UFSP2: variants seen among roughly 807,000 people sequenced by gnomAD.
UFSP2 encodes the protein ufm1-specific protease 2.
A neutral mutation model predicts 60.2 loss-of-function variants in UFSP2; 43 were observed. That is an observed-to-expected ratio of 0.71 (90% CI 0.56 to 0.92). UFSP2 has a LOEUF of 0.92. UFSP2 is among the 40% of genes least tolerant of loss of function. The probability of loss-of-function intolerance (pLI) is 0.00; values close to 1 mark genes in which losing one functional copy is unlikely to be tolerated. For missense variants in UFSP2, 520 were observed against 575.0 expected (o/e 0.90, Z 0.98); for synonymous variants, 183 against 195.1 (o/e 0.94, Z 0.52).
chr4:185,413,406 T>C (rs2095533017), intron 7 of UFSP2, among the ~76,000 whole-genome samples: 1 of 151,904 alleles, frequency 6.6e-6, no homozygotes, highest in Non-Finnish European at 1.5e-5. Flanking sequence ...AAAAAAAGAT[T>C]TATCCTACAG....
intron 7 of UFSP2, among the ~76,000 whole-genome samples, chr4:185,411,853 C>G (rs541790598): frequency 6.6e-6 from 1 of 152,210 alleles, no homozygotes; most frequent in South Asian, 2.1e-4. Flanking sequence ...AGTGAAAAAG[C>G]AAGCTGCAGA....
At chr4:185,419,710 A>T (rs1343834580) in intron 2 of UFSP2, among the ~76,000 whole-genome samples, 2 of 152,216 alleles carry the variant, frequency 1.3e-5, no homozygotes, top group South Asian at 4.1e-4. Context: ...TCTTTCACTT[A>T]GCTTAATGTT....
In UFSP2 at chr4:185,422,496, G is replaced by A. The variant is rs756648947; in HGVS notation, c.71C>T (p.Ala24Val). 6.2e-7 allele frequency: 1 copy of A among 1,611,116 alleles called. No individual in the cohort carries two copies. ...TTCAGAAGACCTACCATTAGGAGTAGCTAGCTGAAAAGCCAAATCAAGGCC... is the reference window on the plus strand; with the variant it reads ...TTCAGAAGACCTACCATTAGGAGTAACTAGCTGAAAAGCCAAATCAAGGCC... ...RGGLDLAFQL[A>V]TPNEIFLKKA... The change falls in exon 2 of 12, where the codon GCT becomes GTT. Residue 24 changes from alanine (A) to valine (V), a missense_variant. Coordinates refer to ENST00000264689, the MANE Select transcript of UFSP2 (RefSeq NM_018359.5).
chr4:185,424,651 T>G (rs1371321261), intron 1 of UFSP2, among the ~76,000 whole-genome samples: 1 of 152,102 alleles, frequency 6.6e-6, no homozygotes, highest in Non-Finnish European at 1.5e-5. Flanking sequence ...TAATAAGAAA[T>G]CAGTTAAATA....
chr4:185,418,071 C>CACACACACACACACA (rs761008119), intron 4 of UFSP2, among the ~76,000 whole-genome samples: 16 of 151,696 alleles, frequency 1.1e-4, no homozygotes, highest in South Asian at 4.2e-4. Flanking sequence ...CACACACAAA[C>CACACACACACACACA]AACAGAACCA....
At chr4:185,425,823 C>T in intron 1 of UFSP2, 43 bp downstream of exon 1, 1 of 1,595,380 alleles carries the variant, frequency 6.3e-7, no homozygotes, top group Admixed American at 1.8e-5. Context: ...CTGCCAAAGT[C>T]CGGGGAAAAA....
intron 4 of UFSP2, among the ~76,000 whole-genome samples, chr4:185,416,294 C>T (rs2095538573): frequency 6.6e-6 from 1 of 152,222 alleles, no homozygotes; most frequent in South Asian, 2.1e-4. Flanking sequence ...ATTCTCTCCA[C>T]TTTTGTACTG....
rs563317264 is a variant in UFSP2 at position 185,420,386 on chromosome 4, T to C, written c.83-1616A>G. 2.0e-5 allele frequency among the ~76,000 whole-genome samples: 3 copies of C among 152,342 alleles called. No individual in the cohort carries two copies. The South Asian group carries it at 6.2e-4, about 32-fold the overall frequency. On this transcript the variant is annotated intron_variant, in intron 2 of 11. Coordinates refer to ENST00000264689, the MANE Select transcript of UFSP2 (RefSeq NM_018359.5). ...AAAGTCAAAACAATATAAGAAGATA[T>C]AGTCAAAGAAGACAATCTTTCAATA...
At chr4:185,415,129 T>C (rs769652789) in intron 6 of UFSP2, 26 bp downstream of exon 6, 1 of 1,528,528 alleles carries the variant, frequency 6.5e-7, no homozygotes, top group Admixed American at 2.5e-5. Flanking sequence ...TATTGTTTTT[T>C]CTAAGAATAG....
intron 11 of UFSP2, among the ~76,000 whole-genome samples, chr4:185,401,465 A>AT (rs1205579658): frequency 6.6e-6 from 1 of 152,146 alleles, no homozygotes; most frequent in Non-Finnish European, 1.5e-5. Context: ...CCAGATCCAG[A>AT]TTTTTTAAAG....
intron 2 of UFSP2, among the ~76,000 whole-genome samples, chr4:185,420,730 A>G (rs1397252660): frequency 1.3e-5 from 2 of 152,224 alleles, no homozygotes; most frequent in African/African-American, 2.4e-5. Flanking sequence ...AAAACTGTGA[A>G]GCCTTTAAAG....
At chr4:185,402,425 TAAAC>T (rs2095514457) in intron 11 of UFSP2, 1 of 404,142 alleles carries the variant, frequency 2.5e-6, no homozygotes, top group South Asian at 1.8e-5. Flanking sequence ...ACCCTTATCA[TAAAC>T]AAAAGACTTC....
intron 7 of UFSP2, among the ~76,000 whole-genome samples, chr4:185,413,166 G>A (rs2095532460): frequency 6.6e-6 from 1 of 152,050 alleles, no homozygotes; most frequent in Admixed American, 6.5e-5. Flanking sequence ...CTAGCCAGGT[G>A]TGGTGGCAGG....
chr4:185,411,925 A>T (rs2095530075), intron 7 of UFSP2, among the ~76,000 whole-genome samples: 1 of 152,232 alleles, frequency 6.6e-6, no homozygotes, highest in African/African-American at 2.4e-5. Context: ...TAAAAGCGAC[A>T]TTGCTGAGAT....
chr4:185,416,159 T>C (rs1270426231), intron 4 of UFSP2: 1 of 200,820 alleles, frequency 5.0e-6, no homozygotes, highest in Non-Finnish European at 9.9e-6. Context: ...AAATATTATT[T>C]TAAAAAGAAA....
chr4:185,415,784 T>C lies in UFSP2; in HGVS notation c.417A>G (p.Gly139=). 1 of 1,613,846 alleles carries C rather than the reference T, an allele frequency of 6.2e-7. No homozygotes were observed. Among genetic ancestry groups the C allele is most frequent in the Non-Finnish European group, 8.5e-7 (1 of 1,179,734 alleles). The change falls in exon 5 of 12, where the codon GGA becomes GGG. Residue 139 remains glycine (G), a synonymous_variant. Transcript: ENST00000264689. ...AAGTCATATTAACATAATGGTGTCC[T>C]CCGCTTTCCCTTTCAATGATGGGCG... The part of the protein sequence containing the change: ...AVTPIIERES[G]GHHYVNMTLP...
intron 6 of UFSP2, 122 bp from the exon 7 acceptor site, chr4:185,413,994 T>G: frequency 1.2e-6 from 1 of 851,368 alleles, no homozygotes; most frequent in Non-Finnish European, 1.7e-6. Context: ...TTCCAAACAC[T>G]TATGGTTTAA....
At chr4:185,405,696 T>C (rs1580052256) in intron 10 of UFSP2, 84 bp downstream of exon 10, 1 of 1,466,634 alleles carries the variant, frequency 6.8e-7, no homozygotes. Context: ...AAATGACTGA[T>C]TTTATGCAAC....
intron 9 of UFSP2, among the ~76,000 whole-genome samples, chr4:185,406,765 AG>A (rs1227122730): frequency 6.6e-6 from 1 of 151,936 alleles, no homozygotes; most frequent in East Asian, 1.9e-4. Context: ...TAGTAGAGAC[AG>A]GGTTTCACCA....
Sources: gnomAD v4.1 joint callset for allele counts (sites outside exome capture counted in the v4.1 genomes callset) on GRCh38, gnomAD v4.1.1 for gene constraint, MANE v1.5 for transcripts, NCBI Gene and HGNC (gene_info 2026-07-23, HGNC 2026-07-21) for gene names.